Variants in DRC2 observed in about 807,000 individuals in gnomAD.
DRC2 encodes dynein regulatory complex subunit 2.
chr12:48,908,959 C>G, the DRC2 span, among the ~76,000 whole-genome samples: 1 of 151,066 alleles, frequency 6.6e-6, no homozygotes, highest in Non-Finnish European at 1.5e-5. Context: ...GTTCCCCCAT[C>G]TACAGGAAAA....
the DRC2 span, among the ~76,000 whole-genome samples, chr12:48,908,615 A>ATTTAT: frequency 5.5e-5 from 8 of 146,778 alleles, no homozygotes; most frequent in Admixed American, 1.4e-4. Context: ...TTATTTATTT[A>ATTTAT]TTTATTTTAT....
chr12:48,919,814 T>C, the DRC2 span, among the ~76,000 whole-genome samples: 1 of 151,414 alleles, frequency 6.6e-6, no homozygotes, highest in Non-Finnish European at 1.5e-5. Context: ...CCGCGTCTGG[T>C]CTACATTTTA....
At chr12:48,916,336 G>GTCTGCAAT in the DRC2 span, among the ~76,000 whole-genome samples, 3 of 152,334 alleles carry the variant, frequency 2.0e-5, no homozygotes, top group Admixed American at 6.5e-5. Context: ...ACCAGACTCC[G>GTCTGCAAT]TCTGCAATCC....
chr12:48,919,104 G>T, the DRC2 span, among the ~76,000 whole-genome samples: 1 of 152,066 alleles, frequency 6.6e-6, no homozygotes, highest in Non-Finnish European at 1.5e-5. Context: ...CTACAGATGG[G>T]GTCTCACTGT....
the DRC2 span, among the ~76,000 whole-genome samples, chr12:48,916,250 G>A: frequency 1.3e-5 from 2 of 152,172 alleles, no homozygotes; most frequent in Admixed American, 1.3e-4. Flanking sequence ...AAGGCAGGCG[G>A]CTGGGAGGTG....
the DRC2 span, among the ~76,000 whole-genome samples, chr12:48,909,476 TTTTA>T: frequency 6.6e-6 from 1 of 151,980 alleles, no homozygotes; most frequent in Non-Finnish European, 1.5e-5. Flanking sequence ...TTATTTTTAT[TTTTA>T]TTTATTTATT....
At chr12:48,912,298 C>T in the DRC2 span, among the ~76,000 whole-genome samples, 3 of 150,796 alleles carry the variant, frequency 2.0e-5, no homozygotes, top group Non-Finnish European at 4.4e-5. Flanking sequence ...GCCATAGTGG[C>T]GGGCTCCTGT....
the DRC2 span, among the ~76,000 whole-genome samples, chr12:48,916,008 C>T: frequency 2.7e-5 from 4 of 148,860 alleles, no homozygotes; most frequent in Admixed American, 6.7e-5. Flanking sequence ...GATGGGCGGC[C>T]GGGCAGAGAC....
the DRC2 span, chr12:48,914,622 A>T: frequency 1.5e-5 from 24 of 1,582,892 alleles, no homozygotes; most frequent in Non-Finnish European, 2.1e-5. Flanking sequence ...GGGAGTGCCC[A>T]GAGTCCGTGT....
chr12:48,915,103 C>G, the DRC2 span, among the ~76,000 whole-genome samples: 3 of 126,846 alleles, frequency 2.4e-5, no homozygotes, highest in South Asian at 5.5e-4. Flanking sequence ...TACCAACTAC[C>G]CACTTTCTTT....
chr12:48,921,560 A>C, the DRC2 span: 1 of 1,472,970 alleles, frequency 6.8e-7, no homozygotes, highest in East Asian at 2.4e-5. Flanking sequence ...TGCTATTAAA[A>C]ATTTCCATGG....
the DRC2 span, among the ~76,000 whole-genome samples, chr12:48,908,963 A>G: frequency 1.3e-5 from 2 of 151,516 alleles, no homozygotes; most frequent in African/African-American, 4.9e-5. Context: ...CCCCATCTAC[A>G]GGAAAAAATC....
At chr12:48,920,877 G>C in the DRC2 span, 2 of 1,545,294 alleles carry the variant, frequency 1.3e-6, no homozygotes, top group African/African-American at 1.4e-5. Flanking sequence ...AACTCCACTA[G>C]CTTCCCTCTT....
chr12:48,910,087 C>A, the DRC2 span, among the ~76,000 whole-genome samples: 49,564 of 152,034 alleles, frequency 0.33, 9,114 homozygotes, highest in Admixed American at 0.47. Context: ...GCCATCCTGG[C>A]AAACTTTCAT....
chr12:48,904,702 G>A, the DRC2 span, among the ~76,000 whole-genome samples: 8 of 152,292 alleles, frequency 5.3e-5, no homozygotes, highest in Non-Finnish European at 1.0e-4. Flanking sequence ...AACTGGGACC[G>A]TAGGTCCTGT....
chr12:48,921,007 A>T, the DRC2 span: 6 of 1,613,978 alleles, frequency 3.7e-6, no homozygotes, highest in Non-Finnish European at 4.2e-6. Context: ...CTTTTTATTC[A>T]TCAGTATTGA....
the DRC2 span, chr12:48,917,194 T>A: frequency 6.7e-7 from 1 of 1,500,216 alleles, no homozygotes; most frequent in Non-Finnish European, 9.1e-7. Context: ...CTCACACCTG[T>A]AATCCCAGCA....
the DRC2 span, chr12:48,921,501 C>G: frequency 6.6e-7 from 1 of 1,519,058 alleles, no homozygotes. Context: ...GGAAAAAAAT[C>G]TTTCAACTCC....
At chr12:48,918,195 GA>G in the DRC2 span, 3 of 1,335,476 alleles carry the variant, frequency 2.2e-6, no homozygotes, top group African/African-American at 4.3e-5. Context: ...AACAGTTCAA[GA>G]GGGTGGGATT....
Sources: allele counts gnomAD v4.1 joint callset (sites outside exome capture counted in the v4.1 genomes callset), GRCh38; gene constraint gnomAD v4.1.1; transcripts MANE v1.5; gene names NCBI Gene and HGNC (gene_info 2026-07-23, HGNC 2026-07-21).